HDAC8: variants seen among roughly 807,000 people sequenced by gnomAD.
HDAC8 encodes the protein histone deacetylase 8.
HDAC8 carries 1 observed loss-of-function variant against 32.2 expected under a neutral mutation model. The observed-to-expected ratio is 0.03, with a 90% CI of 0.01 to 0.15. The LOEUF is 0.15. Among genes scored for constraint, HDAC8 ranks in the 10% least tolerant of loss-of-function variants. The probability of loss-of-function intolerance (pLI) is 1.00; values close to 1 mark genes in which losing one functional copy is unlikely to be tolerated. For synonymous variants in HDAC8, 108 were observed against 113.9 expected (o/e 0.95, Z 0.33); for missense variants, 117 against 300.0 (o/e 0.39, Z 4.51).
intron 9 of HDAC8, among the ~76,000 whole-genome samples, chrX:72,368,860 T>C (rs943000879): frequency 8.9e-6 from 1 of 112,417 alleles, no homozygotes; most frequent in Non-Finnish European, 1.9e-5. Context: ...TGCACTGAAC[T>C]CACTTGTTAG....
intron 9 of HDAC8, among the ~76,000 whole-genome samples, chrX:72,388,212 G>C (rs181171708): frequency 9.0e-6 from 1 of 110,627 alleles, no homozygotes; most frequent in African/African-American, 3.3e-5. Flanking sequence ...GGGTGTGTGT[G>C]TGTGTGTTTG....
chrX:72,526,409 T>C (rs1422798419), intron 4 of HDAC8, among the ~76,000 whole-genome samples: 1 of 110,575 alleles, frequency 9.0e-6, no homozygotes, highest in East Asian at 2.9e-4. Context: ...AATAATATAC[T>C]GTGCACACCT....
chrX:72,549,225 T>C (rs1465880602), intron 4 of HDAC8, among the ~76,000 whole-genome samples: 1 of 111,390 alleles, frequency 9.0e-6, no homozygotes, highest in African/African-American at 3.3e-5. Context: ...CCATTCCTTT[T>C]CAGGATTCCT....
chrX:72,571,487 C>A (rs1471022635), intron 2 of HDAC8, among the ~76,000 whole-genome samples: 1 of 109,057 alleles, frequency 9.2e-6, no homozygotes, highest in Admixed American at 9.8e-5. Flanking sequence ...TCTAATGAAC[C>A]TTAACTGCTT....
intron 9 of HDAC8, among the ~76,000 whole-genome samples, chrX:72,428,354 A>T (rs1351998894): frequency 8.9e-6 from 1 of 112,362 alleles, no homozygotes; most frequent in Non-Finnish European, 1.9e-5. Flanking sequence ...GGCCTCCCAA[A>T]GTGCTGGGAT....
At chrX:72,498,950 A>G (rs1481363704) in intron 4 of HDAC8, among the ~76,000 whole-genome samples, 1 of 111,047 alleles carries the variant, frequency 9.0e-6, no homozygotes, top group African/African-American at 3.3e-5. Flanking sequence ...TCTCACAGTA[A>G]TGAGTGAGTT....
intron 4 of HDAC8, among the ~76,000 whole-genome samples, chrX:72,534,039 G>C (rs2050438481): frequency 1.8e-5 from 2 of 110,076 alleles, no homozygotes; most frequent in African/African-American, 6.6e-5. Flanking sequence ...AGAAAGAAAA[G>C]AAAGGCATCC....
intron 9 of HDAC8, among the ~76,000 whole-genome samples, chrX:72,391,699 C>G (rs1347042973): frequency 9.0e-6 from 1 of 111,551 alleles, no homozygotes; most frequent in Admixed American, 9.6e-5. Context: ...ACACACTGTT[C>G]CCTCTGCTTG....
chrX:72,427,195 T>C (rs2046663674), intron 9 of HDAC8, among the ~76,000 whole-genome samples: 1 of 111,264 alleles, frequency 9.0e-6, no homozygotes, highest in South Asian at 3.9e-4. Flanking sequence ...TTTCTATTCT[T>C]TACATAGAAA....
chrX:72,331,833 A>C (rs893075925), intron 10 of HDAC8, among the ~76,000 whole-genome samples: 44 of 112,093 alleles, frequency 3.9e-4, no homozygotes, highest in Non-Finnish European at 7.5e-5. Flanking sequence ...TTTAATCGCA[A>C]GTGTAGATTC....
In HDAC8 at chrX:72,383,661, G is replaced by A. The variant is rs377044936; in HGVS notation, c.1006-31823C>T. ...CGAGGCGGGCGGATCACGAGGTCAGGAGATCGAGACCACCCTGGCTAACAC... is the reference window on the plus strand; with the variant it reads ...CGAGGCGGGCGGATCACGAGGTCAGAAGATCGAGACCACCCTGGCTAACAC... On this transcript the variant is annotated intron_variant, in intron 9 of 10. Coordinates refer to ENST00000373573, the MANE Select transcript of HDAC8 (RefSeq NM_018486.3). 5.2e-4 allele frequency among the ~76,000 whole-genome samples: 58 copies of A among 110,580 alleles called. No homozygotes were observed. The South Asian group carries it at 0.022, about 42-fold the overall frequency.
chrX:72,419,153 G>C (rs782683531), intron 9 of HDAC8, among the ~76,000 whole-genome samples: 9 of 111,370 alleles, frequency 8.1e-5, no homozygotes, highest in Admixed American at 1.9e-4. Flanking sequence ...TTCCATTCGT[G>C]TCAAAAGGGC....
chrX:72,489,153 T>C, intron 6 of HDAC8, 112 bp from the exon 7 acceptor site: 1 of 496,302 alleles, frequency 2.0e-6, no homozygotes, highest in Non-Finnish European at 3.3e-6. Context: ...AAAAATTATA[T>C]AAAGAAGTAA....
At chrX:72,553,067 T>C (rs11093376) in intron 4 of HDAC8, among the ~76,000 whole-genome samples, 25,635 of 110,001 alleles carry the variant, frequency 0.23, 5,331 homozygotes, top group East Asian at 0.67. Context: ...TATTTTGAGA[T>C]GGCATCTCCC....
At chrX:72,562,524 G>C (rs189257639) in intron 4 of HDAC8, among the ~76,000 whole-genome samples, 1 of 110,833 alleles carries the variant, frequency 9.0e-6, no homozygotes, top group East Asian at 2.8e-4. Context: ...TTGGGGACTC[G>C]GGGGAAAGGA....
chrX:72,501,228 T>A (rs2049206413), intron 4 of HDAC8, among the ~76,000 whole-genome samples: 1 of 112,021 alleles, frequency 8.9e-6, no homozygotes, highest in African/African-American at 3.2e-5. Context: ...GCTATACCTA[T>A]CAAAATACAT....
At position 72,558,085 on chromosome X, in the gene HDAC8, TAAC is replaced by T. The variant is rs782627799; in HGVS notation, c.437+9801_437+9803del. On this transcript the variant is annotated intron_variant, in intron 4 of 10. Transcript: ENST00000373573. Reference sequence around the variant, plus strand: ...GTAACAAGCAGCGAGATTGAAATGGTAACAACAACAACAAAAAATGCCAACAAA... The same window carrying T: ...GTAACAAGCAGCGAGATTGAAATGGTAACAACAACAAAAAATGCCAACAAA... Among the ~76,000 whole-genome samples, 12 of 111,431 alleles carry T rather than the reference TAAC, an allele frequency of 1.1e-4. No homozygotes were observed. The South Asian group carries it at 3.4e-3, about 31-fold the overall frequency.
chrX:72,525,853 C>T (rs1346781571), intron 4 of HDAC8, among the ~76,000 whole-genome samples: 1 of 96,111 alleles, frequency 1.0e-5, no homozygotes, highest in African/African-American at 3.8e-5. Context: ...AAATCCCGGT[C>T]CTCATGGAGC....
chrX:72,407,269 G>C lies in HDAC8; in HGVS notation c.1005+54735C>G, dbSNP rs181465659. Among the ~76,000 whole-genome samples the C allele has an allele frequency of 2.1e-3, 238 of 112,216 alleles. 1 individual carries two copies. Among genetic ancestry groups the C allele is most frequent in the Non-Finnish European group, 3.6e-3 (190 of 53,194 alleles). ...CCTAGAGAAACTCCAGCTGGCCTGC[G>C]CACTGGGAGGAGTGTGCACCGGGGT... On this transcript the variant is annotated intron_variant, in intron 9 of 10. Coordinates refer to ENST00000373573, the MANE Select transcript of HDAC8 (RefSeq NM_018486.3).
Sources: gnomAD v4.1 joint callset for allele counts (sites outside exome capture counted in the v4.1 genomes callset) on GRCh38, gnomAD v4.1.1 for gene constraint, MANE v1.5 for transcripts, NCBI Gene and HGNC (gene_info 2026-07-23, HGNC 2026-07-21) for gene names.